CCDC32: variants seen among roughly 807,000 people sequenced by gnomAD.
The protein encoded by CCDC32 is coiled-coil domain containing 32.
CCDC32 carries 9 observed loss-of-function variants against 20.1 expected under a neutral mutation model. The observed-to-expected ratio is 0.45, with a 90% CI of 0.27 to 0.78. The LOEUF is 0.78. CCDC32 is among the 30% of genes least tolerant of loss of function. The pLI is 0.16. For missense variants in CCDC32, 204 were observed against 215.5 expected (o/e 0.95, Z 0.33); for synonymous variants, 63 against 79.0 (o/e 0.80, Z 1.07).
intron 3 of CCDC32, among the ~76,000 whole-genome samples, chr15:40,547,032 C>T (rs992826544): frequency 5.9e-5 from 9 of 152,164 alleles, no homozygotes; most frequent in Non-Finnish European, 7.4e-5. Flanking sequence ...ACTGAATGCC[C>T]ATGGTGTATA....
At chr15:40,560,431 A>G (rs1386895342) in intron 2 of CCDC32, among the ~76,000 whole-genome samples, 1 of 152,236 alleles carries the variant, frequency 6.6e-6, no homozygotes, top group Non-Finnish European at 1.5e-5. Flanking sequence ...TAAACAGACA[A>G]CCCATGGAAT....
intron 3 of CCDC32, among the ~76,000 whole-genome samples, chr15:40,547,993 T>C (rs970140017): frequency 5.3e-5 from 8 of 152,264 alleles, no homozygotes; most frequent in South Asian, 2.1e-4. Context: ...AACATTTTTA[T>C]TGTCTTTTTC....
At chr15:40,524,453 A>C (rs937766759), downstream of CCDC32, among the ~76,000 whole-genome samples, 4 of 152,096 alleles carry the variant, frequency 2.6e-5, no homozygotes, top group Non-Finnish European at 2.9e-5. Flanking sequence ...CACCGCGCCC[A>C]GCCACAACAT....
At chr15:40,531,639 G>C (rs1302853737), downstream of CCDC32, 1 of 152,092 alleles carries the variant, frequency 6.6e-6, no homozygotes, top group Non-Finnish European at 1.5e-5. Flanking sequence ...GTTTGAGACA[G>C]GGTCTTGCTC....
downstream of CCDC32, chr15:40,531,935 C>T (rs1888893311): frequency 5.4e-6 from 1 of 184,632 alleles, no homozygotes; most frequent in Admixed American, 6.1e-5. Context: ...CCAGATTGCA[C>T]TGTCTCCAAT....
downstream of CCDC32, chr15:40,535,581 C>G: frequency 1.0e-6 from 1 of 983,394 alleles, no homozygotes; most frequent in South Asian, 4.7e-5. Context: ...TCTTCAGGCA[C>G]TTCATGGTTC....
At chr15:40,560,112 C>T (rs1382461377) in intron 2 of CCDC32, among the ~76,000 whole-genome samples, 5 of 152,166 alleles carry the variant, frequency 3.3e-5, no homozygotes, top group Admixed American at 6.5e-5. Context: ...TGGGTTCAAG[C>T]GATTCTCCTG....
chr15:40,537,964 G>A (rs1431608501), downstream of CCDC32: 1 of 152,164 alleles, frequency 6.6e-6, no homozygotes, highest in Non-Finnish European at 1.5e-5. Flanking sequence ...AAAAAAGCTG[G>A]AGCTTCAGTA....
chr15:40,564,322 C>T (rs28669075), intron 1 of CCDC32, among the ~76,000 whole-genome samples: 48,543 of 152,020 alleles, frequency 0.32, 9,474 homozygotes, highest in Non-Finnish European at 0.45. Context: ...CACCATTTTA[C>T]AGATGAAAAA....
At chr15:40,542,108 C>G (rs954013205) in intron 3 of CCDC32, among the ~76,000 whole-genome samples, 4 of 152,194 alleles carry the variant, frequency 2.6e-5, no homozygotes, top group African/African-American at 9.6e-5. Context: ...CTACACAATG[C>G]AGGAATCCCC....
intron 1 of CCDC32, among the ~76,000 whole-genome samples, chr15:40,564,464 T>C (rs1378223571): frequency 6.6e-6 from 1 of 151,948 alleles, no homozygotes; most frequent in Non-Finnish European, 1.5e-5. Context: ...TTGGAAAATA[T>C]AACGAAAGCA....
intron 3 of CCDC32, among the ~76,000 whole-genome samples, chr15:40,555,118 G>A (rs1229990205): frequency 6.6e-6 from 1 of 152,132 alleles, no homozygotes; most frequent in African/African-American, 2.4e-5. Context: ...GTGTTTCCTG[G>A]TGTTTGTTCT....
rs60438611 is a variant in CCDC32 at position 40,553,905 on chromosome 15, CGT to C, written c.*64_*65del. 2,426 of 1,433,240 alleles carry C rather than the reference CGT, an allele frequency of 1.7e-3. 16 individuals are homozygous for C. The East Asian group carries it at 0.02, about 12-fold the overall frequency. 88.8% of individuals were successfully genotyped at this position (1,433,240 alleles called of 1,614,324 possible). A position where few individuals can be genotyped will look rare whatever the true frequency, so the allele number is the denominator to read the frequency against. The stretch of plus-strand genomic sequence containing the variant: ...CTCTGGACCCGAGACAGCTGCTCGG[CGT>C]GTGTGTGTGTGTGTGTGTGTGTGTG... On this transcript the variant is annotated 3_prime_UTR_variant, in exon 4 of 4. Transcript: ENST00000416810.
chr15:40,564,056 G>A (rs1310777078), intron 1 of CCDC32, among the ~76,000 whole-genome samples: 2 of 152,118 alleles, frequency 1.3e-5, no homozygotes, highest in African/African-American at 4.8e-5. Context: ...TCCTGATCTT[G>A]TGATCCGCCC....
chr15:40,540,611 TG>T (rs1295298845), intron 3 of CCDC32, among the ~76,000 whole-genome samples: 1 of 152,040 alleles, frequency 6.6e-6, no homozygotes, highest in Non-Finnish European at 1.5e-5. Context: ...TCAGGTGATC[TG>T]CCTGCCTTGG....
intron 3 of CCDC32, among the ~76,000 whole-genome samples, chr15:40,554,357 G>C (rs1890095327): frequency 6.6e-6 from 1 of 152,166 alleles, no homozygotes; most frequent in Non-Finnish European, 1.5e-5. Context: ...ACAGGCAGCA[G>C]CAGGCCCCCT....
At chr15:40,540,165 G>C (rs957888482) in intron 3 of CCDC32, among the ~76,000 whole-genome samples, 1 of 152,060 alleles carries the variant, frequency 6.6e-6, no homozygotes, top group African/African-American at 2.4e-5. Context: ...GACAGGCTCA[G>C]AGCTCTGACT....
downstream of CCDC32, among the ~76,000 whole-genome samples, chr15:40,526,245 TG>T (rs1467510016): frequency 6.6e-6 from 1 of 152,180 alleles, no homozygotes; most frequent in Non-Finnish European, 1.5e-5. Context: ...AAGTGTGTGT[TG>T]GGGGGTCATT....
chr15:40,527,694 G>A (rs183669354), downstream of CCDC32, among the ~76,000 whole-genome samples: 32 of 152,286 alleles, frequency 2.1e-4, no homozygotes, highest in East Asian at 4.8e-3. Flanking sequence ...TATAAGAAGA[G>A]GAAGAGAGAC....
Sources: gnomAD v4.1 joint callset for allele counts (sites outside exome capture counted in the v4.1 genomes callset) on GRCh38, gnomAD v4.1.1 for gene constraint, MANE v1.5 for transcripts, NCBI Gene and HGNC (gene_info 2026-07-23, HGNC 2026-07-21) for gene names.